The following KIAA1328 variants were observed in gnomAD, a reference collection of about 807,000 sequenced individuals.
The protein encoded by KIAA1328 is protein hinderin.
Under a neutral mutation model 68.1 loss-of-function variants are expected in KIAA1328, and 52 were observed. The observed-to-expected ratio is 0.76, with a 90% CI of 0.61 to 0.96. The LOEUF is 0.96. Among genes scored for constraint, KIAA1328 ranks in the 40% least tolerant of loss-of-function variants. KIAA1328 has a pLI of 0.00. For missense variants in KIAA1328, 641 were observed against 677.6 expected, an observed-to-expected ratio of 0.95 and a Z score of 0.60; for synonymous variants, 232 against 239.4, an observed-to-expected ratio of 0.97 and a Z score of 0.28.
At chr18:37,188,202 C>A (rs939742775) in intron 9 of KIAA1328, among the ~76,000 whole-genome samples, 2 of 152,160 alleles carry the variant, frequency 1.3e-5, no homozygotes, top group African/African-American at 4.8e-5. Context: ...GAGGGGAGTC[C>A]TTAGTCAGCA....
intron 9 of KIAA1328, among the ~76,000 whole-genome samples, chr18:37,202,295 A>T (rs901849698): frequency 5.3e-5 from 8 of 152,218 alleles, no homozygotes; most frequent in Non-Finnish European, 1.0e-4. Context: ...CTATCAGTTC[A>T]GTCCTATGTA....
chr18:37,206,191 A>G (rs1667921004), intron 9 of KIAA1328, among the ~76,000 whole-genome samples: 1 of 152,196 alleles, frequency 6.6e-6, no homozygotes, highest in Non-Finnish European at 1.5e-5. Flanking sequence ...CAGAAAGGAA[A>G]GAAGACCACT....
chr18:37,080,844 G>A (rs757775987), intron 7 of KIAA1328, among the ~76,000 whole-genome samples: 10 of 151,506 alleles, frequency 6.6e-5, no homozygotes, highest in Admixed American at 3.3e-4. Flanking sequence ...CATCCCAGTC[G>A]TAGTTCTGCC....
intron 6 of KIAA1328, among the ~76,000 whole-genome samples, chr18:36,997,370 G>A (rs901064531): frequency 2.0e-5 from 3 of 152,002 alleles, no homozygotes; most frequent in Non-Finnish European, 4.4e-5. Context: ...TATGATTTTC[G>A]TAAAAGGCAG....
chr18:36,942,748 G>T (rs192083852), intron 5 of KIAA1328, among the ~76,000 whole-genome samples: 2 of 152,092 alleles, frequency 1.3e-5, no homozygotes, highest in Non-Finnish European at 2.9e-5. Context: ...TCTTGTGTAT[G>T]GTAGAAATTA....
At chr18:36,952,852 G>A (rs978799385) in intron 5 of KIAA1328, among the ~76,000 whole-genome samples, 3 of 152,040 alleles carry the variant, frequency 2.0e-5, no homozygotes, top group East Asian at 3.9e-4. Context: ...CCAAGGACTC[G>A]TGATTGTAGA....
intron 6 of KIAA1328, chr18:37,063,695 C>T (rs2056239350): frequency 1.0e-6 from 1 of 984,436 alleles, no homozygotes; most frequent in Non-Finnish European, 1.2e-6. Context: ...GCTGTACTAC[C>T]TCTCAAAAAC....
chr18:37,160,178 T>G, intron 7 of KIAA1328, 22 bp from the exon 8 acceptor site: 1 of 1,598,174 alleles, frequency 6.3e-7, no homozygotes, highest in Non-Finnish European at 8.5e-7. Flanking sequence ...CTTCAACAGT[T>G]CATTCATCGT....
chr18:36,913,462 A>G (rs2049539690), intron 5 of KIAA1328, among the ~76,000 whole-genome samples: 1 of 148,324 alleles, frequency 6.7e-6, no homozygotes, highest in Non-Finnish European at 1.5e-5. Flanking sequence ...CTGGATGTAC[A>G]AAGGCAATTA....
At chr18:36,902,765 C>T (rs2049086010) in intron 5 of KIAA1328, among the ~76,000 whole-genome samples, 1 of 152,068 alleles carries the variant, frequency 6.6e-6, no homozygotes, top group Non-Finnish European at 1.5e-5. Flanking sequence ...AGAAATAAAG[C>T]TCCAGCACCC....
In KIAA1328 at chr18:37,116,405, T is replaced by C. The variant is rs2058108006; in HGVS notation, c.1233-43795T>C. ...TGACAAACCTGACAAAAACAAGAAA[T>C]GGGGAAAGGATTCCCTATTTAATAA... On this transcript the variant is annotated intron_variant, in intron 7 of 9. Transcript: ENST00000280020. 2.0e-5 allele frequency among the ~76,000 whole-genome samples: 3 copies of C among 152,232 alleles called. No homozygotes were observed. The South Asian group carries it at 6.2e-4, about 32-fold the overall frequency.
intron 6 of KIAA1328, among the ~76,000 whole-genome samples, chr18:36,984,783 G>A (rs762451312): frequency 2.0e-5 from 3 of 151,514 alleles, no homozygotes; most frequent in Admixed American, 1.3e-4. Flanking sequence ...GTGCATGCCC[G>A]TAGTCCCAAC....
intron 8 of KIAA1328, among the ~76,000 whole-genome samples, chr18:37,165,403 T>G (rs2059366608): frequency 6.6e-6 from 1 of 151,368 alleles, no homozygotes; most frequent in African/African-American, 2.4e-5. Flanking sequence ...TTTTTTATTT[T>G]TATTTATTTA....
intron 5 of KIAA1328, among the ~76,000 whole-genome samples, chr18:36,912,451 A>G (rs1275501764): frequency 6.6e-6 from 1 of 152,244 alleles, no homozygotes; most frequent in Middle Eastern, 3.4e-3. Flanking sequence ...CTGTAATTAC[A>G]TTGGGCTTAC....
intron 7 of KIAA1328, among the ~76,000 whole-genome samples, chr18:37,085,453 C>T (rs1008366010): frequency 1.3e-5 from 2 of 152,276 alleles, no homozygotes; most frequent in African/African-American, 2.4e-5. Context: ...TAATCTCTCA[C>T]CTGGTTTACA....
intron 6 of KIAA1328, among the ~76,000 whole-genome samples, chr18:37,034,655 G>A (rs2054958872): frequency 6.6e-6 from 1 of 152,094 alleles, no homozygotes; most frequent in Non-Finnish European, 1.5e-5. Flanking sequence ...ATGGTACAGT[G>A]CTTTGTAAAT....
rs145682080 is a variant in KIAA1328, at chr18:36,864,463, G to A, written c.332+20161G>A. 6.8e-3 allele frequency among the ~76,000 whole-genome samples: 1,035 copies of A among 151,800 alleles called. 15 individuals carry two copies. Among genetic ancestry groups the A allele is most frequent in the African/African-American group, 0.023 (933 of 41,422 alleles). ...ACTACAGGCGCCTGCCACCACGCCC[G>A]GCTAATTTTTTGTATTTTTAGTAGA... is the stretch of plus-strand genomic sequence containing the variant. On this transcript the variant is annotated intron_variant, in intron 4 of 9. Coordinates refer to ENST00000280020, the MANE Select transcript of KIAA1328 (RefSeq NM_020776.3).
chr18:36,984,380 T>C (rs192069495), intron 6 of KIAA1328, among the ~76,000 whole-genome samples: 1 of 152,250 alleles, frequency 6.6e-6, no homozygotes, highest in Admixed American at 6.5e-5. Context: ...CAAAAAAATG[T>C]TACAAGAACT....
chr18:37,194,699 C>T (rs966027119), intron 9 of KIAA1328, among the ~76,000 whole-genome samples: 4 of 152,122 alleles, frequency 2.6e-5, no homozygotes, highest in Non-Finnish European at 4.4e-5. Flanking sequence ...AAGTCTCTGT[C>T]GCCCAGGCTG....
Sources: gnomAD v4.1 joint callset for allele counts (sites outside exome capture counted in the v4.1 genomes callset) on GRCh38, gnomAD v4.1.1 for gene constraint, MANE v1.5 for transcripts, NCBI Gene and HGNC (gene_info 2026-07-23, HGNC 2026-07-21) for gene names.